STEAP2: variants seen among roughly 807,000 people sequenced by gnomAD.
The protein encoded by STEAP2 is STEAP2 metalloreductase.
A neutral mutation model predicts 46.4 loss-of-function variants in STEAP2; 30 were observed. That is an observed-to-expected ratio of 0.65 (90% confidence interval 0.48 to 0.88). STEAP2 has a LOEUF of 0.88. Among genes scored for constraint, STEAP2 ranks in the 40% least tolerant of loss-of-function variants. The probability of loss-of-function intolerance (pLI) is 0.00; values close to 1 mark genes in which losing one functional copy is unlikely to be tolerated. For missense variants in STEAP2, 513 were observed against 579.3 expected (o/e 0.89, Z 1.18); for synonymous variants, 180 against 200.5 (o/e 0.90, Z 0.86).
rs1795667127 is a variant in STEAP2, at chr7:90,229,879, CA to C, written c.1031del (p.Asn344IlefsTer22). 6.2e-7 allele frequency: 1 copy of C among 1,611,878 alleles called. No homozygotes were observed. Among genetic ancestry groups the C allele is most frequent in the South Asian group, 1.1e-5 (1 of 90,632 alleles). The part of the protein sequence containing the change: ...FLNMAYQQVH[A>X]NIENSWNEEE... ...CATTCGCTTTCTTGTTAGGTTCATG[CA>C]AATATTGAAAACTCTTGGAATGAGG... On this transcript the variant is annotated frameshift_variant, in exon 5 of 6. Coordinates refer to ENST00000394621, the MANE Select transcript of STEAP2 (RefSeq NM_001244944.2). LOFTEE classifies it high-confidence loss of function.
intron 2 of STEAP2, among the ~76,000 whole-genome samples, chr7:90,222,983 C>T (rs1795316723): frequency 1.3e-5 from 2 of 152,110 alleles, no homozygotes; most frequent in South Asian, 2.1e-4. Context: ...GACCCAATTT[C>T]GACACTAATT....
Position 90,225,343 on chromosome 7 carries a change from TATA to T in STEAP2, c.265_267del (p.Ile89del). On this transcript the variant is annotated inframe_deletion, in exon 3 of 6. Coordinates refer to ENST00000394621, the MANE Select transcript of STEAP2 (RefSeq NM_001244944.2). Reference sequence around the variant, plus strand: ...ATGAAGATGCTCTCACAAAAACAAATATAATATTTGTTGCTATACACAGAGAAC... The same window carrying T: ...ATGAAGATGCTCTCACAAAAACAAATATATTTGTTGCTATACACAGAGAAC... 1.2e-6 allele frequency: 2 copies of T among 1,613,940 alleles called. No individual in the cohort carries two copies. Among genetic ancestry groups the T allele is most frequent in the South Asian group, 1.1e-5 (1 of 91,076 alleles).
rs1795930593 is a variant in STEAP2, at chr7:90,235,450, A to G, written c.*2826A>G. 2.0e-6 allele frequency: 2 copies of G among 984,898 alleles called. No individual in the cohort carries two copies. The highest frequency in any genetic ancestry group is 1.2e-6 in the Non-Finnish European group (1 of 829,598). 61.0% of individuals were successfully genotyped at this position (984,898 alleles called of 1,614,324 possible). The stretch of plus-strand genomic sequence containing the variant: ...TTTATAATCATTATTTTTCTGAACC[A>G]TTCTTCTGGCCTCAGAAGTAGGACT... On this transcript the variant is annotated 3_prime_UTR_variant, in exon 6 of 6. Transcript: ENST00000394621.
chr7:90,226,742 C>T (rs141443569), intron 3 of STEAP2, among the ~76,000 whole-genome samples: 142 of 152,194 alleles, frequency 9.3e-4, no homozygotes, highest in Middle Eastern at 6.8e-3. Flanking sequence ...GTGGCCTACC[C>T]ATTAGTAATA....
chr7:90,235,777 A>T lies in STEAP2; in HGVS notation c.*3153A>T. The T allele has an allele frequency of 1.3e-6, 1 of 797,904 alleles. No homozygotes were observed. Among genetic ancestry groups the T allele is most frequent in the Non-Finnish European group, 1.5e-6 (1 of 659,004 alleles). 49.4% of individuals were successfully genotyped at this position (797,904 alleles called of 1,614,324 possible). A position where few individuals can be genotyped will look rare whatever the true frequency, so the allele number is the denominator to read the frequency against. On this transcript the variant is annotated 3_prime_UTR_variant, in exon 6 of 6. Coordinates refer to ENST00000394621, the MANE Select transcript of STEAP2 (RefSeq NM_001244944.2). ...ATTCATGCTAACATTATTTTTCAAA[A>T]CATACATGGAAATTTAGCCCAGATT... is the stretch of plus-strand genomic sequence containing the variant.
chr7:90,241,996 C>T (rs1368122474), downstream of STEAP2, among the ~76,000 whole-genome samples: 3 of 152,112 alleles, frequency 2.0e-5, no homozygotes, highest in African/African-American at 7.2e-5. Flanking sequence ...AGTAATTCAC[C>T]CAAGATGGCT....
chr7:90,214,632 C>T (rs902476312), intron 1 of STEAP2, among the ~76,000 whole-genome samples: 4 of 151,896 alleles, frequency 2.6e-5, no homozygotes, highest in Non-Finnish European at 5.9e-5. Flanking sequence ...AGTAAGAGAG[C>T]TGAGGATCTT....
Position 90,224,497 on chromosome 7 carries a change from G to A in STEAP2, c.-33-553G>A, listed in dbSNP as rs1255948680. On this transcript the variant is annotated intron_variant, in intron 2 of 5. Coordinates refer to ENST00000394621, the MANE Select transcript of STEAP2 (RefSeq NM_001244944.2). ...ACGGGGTAGGCCTGCTCTGCAAGGA[G>A]CAGTACCTCTGCTGTTGCTGTAAAC... 3.9e-5 allele frequency among the ~76,000 whole-genome samples: 6 copies of A among 152,326 alleles called. No individual in the cohort carries two copies. In the East Asian group the frequency reaches 9.6e-4, roughly 24 times the overall value.
chr7:90,234,786 C>A lies in STEAP2; in HGVS notation c.*2162C>A, dbSNP rs899446859. ...GCCAGGATGGTCTCGATCTCCTGAC[C>A]TCGTGATCCGCCCGCCTTGGCCTCC... On this transcript the variant is annotated 3_prime_UTR_variant, in exon 6 of 6. Coordinates refer to ENST00000394621, the MANE Select transcript of STEAP2 (RefSeq NM_001244944.2). The A allele has an allele frequency of 9.4e-6, 7 of 740,964 alleles. No individual in the cohort carries two copies. The African/African-American group carries it at 1.1e-4, about 12-fold the overall frequency. The allele number at this position is 740,964 out of a possible 1,614,324, so 45.9% of individuals were successfully genotyped here. A position where few individuals can be genotyped will look rare whatever the true frequency, so the allele number is the denominator to read the frequency against.
downstream of STEAP2, among the ~76,000 whole-genome samples, chr7:90,241,267 G>T (rs971939570): frequency 3.3e-5 from 5 of 152,074 alleles, no homozygotes; most frequent in Non-Finnish European, 7.4e-5. Context: ...TCAGAATGGA[G>T]ATTCTGAGTC....
At position 90,237,177 on chromosome 7, in the gene STEAP2, GA is replaced by G; in HGVS notation, c.*4554del. ...CACCCAAAGAGTAAGGCAGATTAGA[GA>G]CCAGAAAGACCTTGACTACTTCCCT... On this transcript the variant is annotated 3_prime_UTR_variant, in exon 6 of 6. Transcript: ENST00000394621. 2.2e-6 allele frequency: 1 copy of G among 455,484 alleles called. No homozygotes were observed. The highest frequency in any genetic ancestry group is 3.8e-6 in the Non-Finnish European group (1 of 259,926). 28.2% of individuals were successfully genotyped at this position (455,484 alleles called of 1,614,324 possible).
rs960600859 is a variant in STEAP2, at chr7:90,232,408, T to G, written c.1257T>G (p.Phe419Leu). 1.2e-6 allele frequency: 2 copies of G among 1,613,564 alleles called. No individual in the cohort carries two copies. The change falls in exon 6 of 6, where the codon TTT (phenylalanine) becomes TTG (leucine). Residue 419 changes from phenylalanine to leucine, a missense_variant. Phe to Leu is a conservative substitution (Grantham distance 22, BLOSUM62 0). Transcript: ENST00000394621. ...HVLIYGWKRAFEEEYYRFYTP... is the reference protein window; with the variant it reads ...HVLIYGWKRALEEEYYRFYTP... ...TAATTTATGGATGGAAACGAGCTTT[T>G]GAGGAAGAGTACTACAGATTTTATA...
chr7:90,224,084 C>G (rs7782442), intron 2 of STEAP2, among the ~76,000 whole-genome samples: 2,071 of 152,308 alleles, frequency 0.014, 50 homozygotes, highest in African/African-American at 0.046. Flanking sequence ...CTGATCTGCT[C>G]AAAAGCTGGG....
chr7:90,229,652 A>G (rs755432683), intron 4 of STEAP2, among the ~76,000 whole-genome samples: 1 of 152,170 alleles, frequency 6.6e-6, no homozygotes, highest in Non-Finnish European at 1.5e-5. Flanking sequence ...ATACAAGGAA[A>G]GAGAAAGTTT....
chr7:90,226,126 CA>C (rs1347131822), intron 3 of STEAP2, among the ~76,000 whole-genome samples: 1 of 151,986 alleles, frequency 6.6e-6, no homozygotes, highest in African/African-American at 2.4e-5. Flanking sequence ...GCATATCCAC[CA>C]AAGTTTAGCA....
Position 90,234,334 on chromosome 7 carries a change from A to G in STEAP2, c.*1710A>G. The G allele has an allele frequency of 1.0e-6, 1 of 985,232 alleles. No individual in the cohort carries two copies. The highest frequency in any genetic ancestry group is 4.7e-5 in the South Asian group (1 of 21,280). The allele number at this position is 985,232 out of a possible 1,614,324, so 61.0% of individuals were successfully genotyped here. ...AAATAGAAAATTATAGGCAAGATAC[A>G]ATTATATGCGTTCCTCTTCCTGAAA... On this transcript the variant is annotated 3_prime_UTR_variant, in exon 6 of 6. Coordinates refer to ENST00000394621, the MANE Select transcript of STEAP2 (RefSeq NM_001244944.2).
At chr7:90,223,980 T>TA (rs1795371034) in intron 2 of STEAP2, among the ~76,000 whole-genome samples, 1 of 152,208 alleles carries the variant, frequency 6.6e-6, no homozygotes, top group South Asian at 2.1e-4. Flanking sequence ...AATGGCTTTT[T>TA]AAAAAATGGT....
At chr7:90,224,303 C>T (rs1166822797) in intron 2 of STEAP2, among the ~76,000 whole-genome samples, 1 of 152,190 alleles carries the variant, frequency 6.6e-6, no homozygotes, top group African/African-American at 2.4e-5. Context: ...GCCATGGCAA[C>T]ACCTAGAAGT....
At chr7:90,226,913 T>C in intron 3 of STEAP2, 58 bp from the exon 4 acceptor site, 1 of 1,506,302 alleles carries the variant, frequency 6.6e-7, no homozygotes, top group South Asian at 1.3e-5. Context: ...GAGCATGCGA[T>C]TGCTACCATT....
Sources: allele counts gnomAD v4.1 joint callset (sites outside exome capture counted in the v4.1 genomes callset), GRCh38; gene constraint gnomAD v4.1.1; transcripts MANE v1.5; gene names NCBI Gene and HGNC (gene_info 2026-07-23, HGNC 2026-07-21).